ZFHX3: variants seen among roughly 807,000 people sequenced by gnomAD.
ZFHX3 encodes zinc finger homeobox protein 3.
In ZFHX3, 42 loss-of-function variants were observed where a neutral mutation model predicts 279.1. The observed-to-expected ratio is 0.15, with a 90% CI of 0.12 to 0.19. ZFHX3 has a LOEUF of 0.19. Among genes scored for constraint, ZFHX3 ranks in the 10% least tolerant of loss-of-function variants. The pLI, the probability that ZFHX3 is intolerant of heterozygous loss-of-function variation, is 1.00. For missense variants in ZFHX3, 4,981 were observed against 4,754.0 expected (o/e 1.05, Z -1.40); for synonymous variants, 2,293 against 1,957.8 (o/e 1.17, Z -4.52).
rs1452243060 is a variant in ZFHX3, at chr16:72,788,261, C to T, written c.10015G>A (p.Glu3339Lys). 3 of 1,614,182 alleles carry T rather than the reference C, an allele frequency of 1.9e-6. No individual in the cohort carries two copies. The highest frequency in any genetic ancestry group is 2.5e-6 in the Non-Finnish European group (3 of 1,180,036). ...GCAGGGCTGTAGGGGAACAGGCCTT[C>T]CATGCCATACATAGGCTGCAGGTAC... ...SGYLQPMYGM[E>K]GLFPYSPALS... is the part of the protein sequence containing the mutation. The change falls in exon 10 of 10, where the codon GAA (glutamate) becomes AAA (lysine). Residue 3339 changes from glutamate to lysine, a missense_variant. Around this residue, in one of 7 missense-constraint regions of ZFHX3, gnomAD observed 1,034 missense variants for 786.0 expected, o/e 1.32. Transcript: ENST00000268489.
At chr16:73,610,461 A>G (rs559596945) in intron 2 of ZFHX3, among the ~76,000 whole-genome samples, 3 of 152,314 alleles carry the variant, frequency 2.0e-5, no homozygotes, top group Non-Finnish European at 4.4e-5. Flanking sequence ...CCTCTGCTTC[A>G]TACATTTCTT....
At chr16:72,820,187 G>A (rs920440058) in intron 5 of ZFHX3, among the ~76,000 whole-genome samples, 1 of 152,206 alleles carries the variant, frequency 6.6e-6, no homozygotes, top group Non-Finnish European at 1.5e-5. Flanking sequence ...TCTCTGGCAG[G>A]CTCTGGAAGC....
intron 5 of ZFHX3, among the ~76,000 whole-genome samples, chr16:73,146,551 G>A (rs1026723643): frequency 1.3e-5 from 2 of 152,044 alleles, no homozygotes; most frequent in Admixed American, 6.5e-5. Flanking sequence ...ATGGGAGAAC[G>A]GCTTGTTGAA....
intron 1 of ZFHX3, among the ~76,000 whole-genome samples, chr16:73,882,858 T>G (rs181017695): frequency 4.3e-4 from 66 of 152,242 alleles, no homozygotes; most frequent in Admixed American, 5.9e-4. Context: ...GTAAAGTTAA[T>G]GGGAATCATG....
intron 1 of ZFHX3, among the ~76,000 whole-genome samples, chr16:73,711,000 T>C (rs1567558360): frequency 6.6e-6 from 1 of 152,224 alleles, no homozygotes; most frequent in Non-Finnish European, 1.5e-5. Flanking sequence ...GCCTGGTCAT[T>C]ATACGGAAAG....
chr16:73,633,294 T>C (rs1445889502), intron 2 of ZFHX3, among the ~76,000 whole-genome samples: 1 of 152,138 alleles, frequency 6.6e-6, no homozygotes, highest in Non-Finnish European at 1.5e-5. Flanking sequence ...TCAAAGAAAC[T>C]ATGACTGGCC....
intron 3 of ZFHX3, among the ~76,000 whole-genome samples, chr16:73,362,622 T>C (rs964896101): frequency 3.9e-5 from 6 of 152,112 alleles, no homozygotes; most frequent in African/African-American, 1.4e-4. Context: ...TTTCAATACC[T>C]AGAATGTGAG....
In ZFHX3 at chr16:72,794,345, A is replaced by C. The variant is rs1320997918; in HGVS notation, c.8337T>G (p.Asp2779Glu). ...CAGGTGAGAGGGGGACACCCTGACCATCACTACTGCTTGGGGGTAGGTGGG... is the reference window on the plus strand; with the variant it reads ...CAGGTGAGAGGGGGACACCCTGACCCTCACTACTGCTTGGGGGTAGGTGGG... Reference protein sequence around the residue: ...SFSHLPPSSSDGQGVPLSPVS... With the variant: ...SFSHLPPSSSEGQGVPLSPVS... Residue 2779 changes from aspartate to glutamate, a missense_variant, in exon 9 of 10, where the codon GAT becomes GAG. Around this residue, in one of 7 missense-constraint regions of ZFHX3, gnomAD observed 744 missense variants for 701.3 expected, o/e 1.06. Coordinates refer to ENST00000268489, the MANE Select transcript of ZFHX3 (RefSeq NM_006885.4). This position sits in a 1 kb window ranked among gnomAD's most constrained non-coding sequence, Gnocchi z 4.2. 2 of 1,603,316 alleles carry C rather than the reference A, an allele frequency of 1.2e-6. No homozygotes were observed. The highest frequency in any genetic ancestry group is 1.7e-6 in the Non-Finnish European group (2 of 1,174,344).
intron 1 of ZFHX3, among the ~76,000 whole-genome samples, chr16:73,047,362 G>A (rs1965335091): frequency 6.6e-6 from 1 of 152,144 alleles, no homozygotes; most frequent in South Asian, 2.1e-4. Flanking sequence ...CTCCACAAGC[G>A]CATTCTTCAC....
chr16:72,793,414 C>T lies in ZFHX3; in HGVS notation c.9268G>A (p.Val3090Ile), dbSNP rs761536598. The T allele has an allele frequency of 1.2e-6, 2 of 1,614,182 alleles. No homozygotes were observed. Among genetic ancestry groups the T allele is most frequent in the Non-Finnish European group, 1.7e-6 (2 of 1,180,042 alleles). ...TGCTGCTGAGCTGCCAGTCCAAGGA[C>T]CTCGTTGGCCTTTTTAATCCGGTCC... is the stretch of plus-strand genomic sequence containing the variant. ...ELDRIKKANE[V>I]LGLAAQQQGM... is the part of the protein sequence containing the mutation. Residue 3090 changes from valine (V) to isoleucine (I), a missense_variant, in exon 9 of 10, where the codon GTC (valine) becomes ATC (isoleucine). Physicochemically the swap from Val to Ile is conservative, Grantham distance 29 (BLOSUM62 3). This residue lies in a region of ZFHX3 where 168 missense variants were observed against 249.1 expected (regional missense o/e 0.67). Transcript: ENST00000268489. This position sits in a 1 kb window ranked among gnomAD's most constrained non-coding sequence, Gnocchi z 4.3.
At chr16:73,082,292 G>C (rs1251796232) in intron 8 of ZFHX3, among the ~76,000 whole-genome samples, 2 of 152,000 alleles carry the variant, frequency 1.3e-5, no homozygotes, top group Admixed American at 1.3e-4. Flanking sequence ...TTTTGAGAGG[G>C]AGTCTCTCTA....
At chr16:73,134,331 CTTTTTTTTTT>C (rs58052486) in intron 6 of ZFHX3, among the ~76,000 whole-genome samples, 22 of 50,316 alleles carry the variant, frequency 4.4e-4, no homozygotes, top group Middle Eastern at 0.018. Flanking sequence ...CTCCCCACCT[CTTTTTTTTTT>C]TTTTTTTTTT....
In ZFHX3 at chr16:72,794,391, A is replaced by G. The variant is rs758843470; in HGVS notation, c.8291T>C (p.Ile2764Thr). 12 of 1,606,494 alleles carry G rather than the reference A, an allele frequency of 7.5e-6. No individual in the cohort carries two copies. The highest frequency in any genetic ancestry group is 3.4e-5 in the Admixed American group (2 of 59,352). Residue 2764 changes from isoleucine (I) to threonine (T), a missense_variant, in exon 9 of 10, where the codon ATT (isoleucine) becomes ACT (threonine). Transcript: ENST00000268489. This position sits in a 1 kb window ranked among gnomAD's most constrained non-coding sequence, Gnocchi z 4.2. ...GTGGGAAAAGCTAGTTCCGTCAAAAATATCTCCTTTCATCTGGAGTCCCCC... is the reference window on the plus strand; with the variant it reads ...GTGGGAAAAGCTAGTTCCGTCAAAAGTATCTCCTTTCATCTGGAGTCCCCC... ...CDGGLQMKGDIFDGTSFSHLP... is the reference protein window; with the variant it reads ...CDGGLQMKGDTFDGTSFSHLP...
At chr16:73,372,475 G>A (rs1373639897) in intron 3 of ZFHX3, among the ~76,000 whole-genome samples, 1 of 152,064 alleles carries the variant, frequency 6.6e-6, no homozygotes, top group Non-Finnish European at 1.5e-5. Flanking sequence ...AAGAATTAAT[G>A]GGTAAATAAT....
intron 5 of ZFHX3, among the ~76,000 whole-genome samples, chr16:73,150,770 T>C (rs896904285): frequency 5.9e-5 from 9 of 152,238 alleles, no homozygotes; most frequent in Non-Finnish European, 1.0e-4. Context: ...TATACATCTT[T>C]GTATCTCCAG....
intron 3 of ZFHX3, among the ~76,000 whole-genome samples, chr16:73,343,748 G>A (rs1309123187): frequency 3.3e-5 from 5 of 152,156 alleles, no homozygotes; most frequent in African/African-American, 4.8e-5. Context: ...CATGTGAAAA[G>A]AACAGAAAGG....
chr16:72,977,873 T>C (rs1414101290), intron 1 of ZFHX3, among the ~76,000 whole-genome samples: 1 of 151,048 alleles, frequency 6.6e-6, no homozygotes, highest in Non-Finnish European at 1.5e-5. Context: ...TCTTTTTTCT[T>C]TTTTTTTTGA....
intron 5 of ZFHX3, among the ~76,000 whole-genome samples, chr16:72,820,629 G>A (rs1242959213): frequency 6.6e-6 from 1 of 152,166 alleles, no homozygotes; most frequent in Non-Finnish European, 1.5e-5. Flanking sequence ...TTGGCCTCTT[G>A]TTGGTTCCCC....
chr16:73,569,701 A>C lies in ZFHX3; in HGVS notation c.-1547+110479T>G, dbSNP rs559671461. On this transcript the variant is annotated intron_variant, in intron 2 of 17. Coordinates refer to the ZFHX3 transcript ENST00000641206. ...ATTACAATAACAAATTGGTTTCAAA[A>C]TCATGCATTATGTATTCTGAAATTA... 3.3e-5 allele frequency among the ~76,000 whole-genome samples: 5 copies of C among 152,318 alleles called. No homozygotes were observed. In the East Asian group the frequency reaches 9.6e-4, roughly 29 times the overall value.
Sources: allele counts gnomAD v4.1 joint callset (sites outside exome capture counted in the v4.1 genomes callset), GRCh38; gene constraint gnomAD v4.1.1; regional missense constraint gnomAD v4.1.1; non-coding constraint Gnocchi (gnomAD v3.1); transcripts MANE v1.5; gene names NCBI Gene and HGNC (gene_info 2026-07-23, HGNC 2026-07-21).